The following SKAP1 variants were observed in gnomAD, a reference collection of about 807,000 sequenced individuals.
The protein encoded by SKAP1 is src kinase associated phosphoprotein 1, also known as src kinase-associated phosphoprotein 1.
In SKAP1, 44 loss-of-function variants were observed where a neutral mutation model predicts 58.5. That is an observed-to-expected ratio of 0.75 (90% CI 0.59 to 0.97). The LOEUF (loss-of-function observed/expected upper bound fraction) is 0.97, where lower values mean the gene tolerates loss of function less well. Ranked by LOEUF, SKAP1 falls within the 50% of genes least tolerant of loss-of-function variation. The pLI, the probability that SKAP1 is intolerant of heterozygous loss-of-function variation, is 0.00. For synonymous variants in SKAP1, 127 were observed against 149.7 expected (o/e 0.85, Z 1.11); for missense variants, 390 against 435.2 (o/e 0.90, Z 0.92).
chr17:48,229,830 A>G (rs915744947), intron 4 of SKAP1, among the ~76,000 whole-genome samples: 2 of 152,192 alleles, frequency 1.3e-5, no homozygotes, highest in Non-Finnish European at 2.9e-5. Context: ...ATGAAATCTA[A>G]TAGCAACTCT....
intron 3 of SKAP1, among the ~76,000 whole-genome samples, chr17:48,346,654 A>G (rs1433140670): frequency 6.6e-6 from 1 of 152,098 alleles, no homozygotes; most frequent in African/African-American, 2.4e-5. Context: ...TTATATTCAT[A>G]TATACTATGT....
chr17:48,198,994 C>T (rs1056540972), intron 4 of SKAP1, among the ~76,000 whole-genome samples: 1 of 152,172 alleles, frequency 6.6e-6, no homozygotes, highest in Non-Finnish European at 1.5e-5. Flanking sequence ...TCGACGTATT[C>T]CCCCTGAGTC....
At chr17:48,195,387 G>A (rs576137211) in intron 4 of SKAP1, among the ~76,000 whole-genome samples, 5 of 152,164 alleles carry the variant, frequency 3.3e-5, no homozygotes, top group South Asian at 2.1e-4. Flanking sequence ...TTTAACTTCC[G>A]TGGTTCCATT....
chr17:48,328,174 T>C (rs888903083), intron 4 of SKAP1, among the ~76,000 whole-genome samples: 3 of 152,192 alleles, frequency 2.0e-5, no homozygotes, highest in Admixed American at 1.3e-4. Context: ...CAAACAAGGA[T>C]ACTACTCGCC....
chr17:48,309,355 G>A (rs1217736512), intron 4 of SKAP1, among the ~76,000 whole-genome samples: 1 of 152,008 alleles, frequency 6.6e-6, no homozygotes, highest in Non-Finnish European at 1.5e-5. Flanking sequence ...AACTTAGAAC[G>A]TATGAGTCCC....
chr17:48,253,665 G>T (rs1197561839), intron 4 of SKAP1, among the ~76,000 whole-genome samples: 1 of 152,042 alleles, frequency 6.6e-6, no homozygotes, highest in Non-Finnish European at 1.5e-5. Flanking sequence ...TTCTGTAATA[G>T]ACCTCTTCTT....
chr17:48,182,452 T>C lies in SKAP1; in HGVS notation c.573A>G (p.Thr191=). Residue 191 remains threonine, a synonymous_variant, in exon 8 of 13, where the codon ACA becomes ACG. Coordinates refer to ENST00000336915, the MANE Select transcript of SKAP1 (RefSeq NM_003726.4). Reference sequence around the variant, plus strand: ...CTCTGGCTTCTGCTGGACTAGTAGCTGTAAACTAGAGAAAAATCAGTGAAT... The same window carrying C: ...CTCTGGCTTCTGCTGGACTAGTAGCCGTAAACTAGAGAAAAATCAGTGAAT... ...TSQDRRSYEF[T]ATSPAEARDW... is the part of the protein sequence containing the mutation. The C allele has an allele frequency of 6.2e-7, 1 of 1,606,586 alleles. No homozygotes were observed. Among genetic ancestry groups the C allele is most frequent in the African/African-American group, 1.3e-5 (1 of 74,740 alleles).
chr17:48,253,420 C>T (rs904807643), intron 4 of SKAP1, among the ~76,000 whole-genome samples: 2 of 152,078 alleles, frequency 1.3e-5, no homozygotes, highest in African/African-American at 4.8e-5. Flanking sequence ...GGATATTTGC[C>T]AAACAATCCA....
intron 4 of SKAP1, among the ~76,000 whole-genome samples, chr17:48,269,634 ATAGT>A (rs58888670): frequency 0.68 from 103,271 of 151,542 alleles, 35,208 homozygotes; most frequent in South Asian, 0.76. Flanking sequence ...GTTCTGAAGG[ATAGT>A]TAGTGGAGAT....
intron 3 of SKAP1, among the ~76,000 whole-genome samples, chr17:48,350,039 T>C (rs1231597847): frequency 6.6e-6 from 1 of 152,102 alleles, no homozygotes; most frequent in African/African-American, 2.4e-5. Flanking sequence ...CAATTCCAAA[T>C]AAAACAGGGA....
At chr17:48,165,374 TTTTCTTTTC>T (rs1428185677) in intron 10 of SKAP1, among the ~76,000 whole-genome samples, 12 of 132,230 alleles carry the variant, frequency 9.1e-5, no homozygotes, top group Non-Finnish European at 1.7e-4. Context: ...CTTTGCTTTC[TTTTCTTTTC>T]TTTCTTTCTT....
At chr17:48,217,860 T>C (rs904860466) in intron 4 of SKAP1, among the ~76,000 whole-genome samples, 10 of 152,116 alleles carry the variant, frequency 6.6e-5, no homozygotes, top group Admixed American at 5.9e-4. Flanking sequence ...TGGAAATAAA[T>C]TAAAAGGCTA....
intron 4 of SKAP1, among the ~76,000 whole-genome samples, chr17:48,216,232 C>T (rs2064937215): frequency 1.3e-5 from 2 of 152,114 alleles, no homozygotes; most frequent in Non-Finnish European, 2.9e-5. Context: ...TATATCTTTC[C>T]TACTCTGAGG....
the SKAP1 span, among the ~76,000 whole-genome samples, chr17:48,443,994 A>T: frequency 6.6e-6 from 1 of 152,252 alleles, no homozygotes; most frequent in African/African-American, 2.4e-5. Flanking sequence ...TACTAGATTA[A>T]TTTACATTTT....
chr17:48,442,879 A>G, the SKAP1 span, among the ~76,000 whole-genome samples: 1 of 152,166 alleles, frequency 6.6e-6, no homozygotes. Context: ...TTAAAATTTT[A>G]GTAGCTTCCC....
chr17:48,374,352 T>C lies in SKAP1; in HGVS notation c.153-10538A>G, dbSNP rs535049030. ...ATTGCATTCAGCCTGAACTTCCTTTTTGTACTAAAACAGCAATGCCTTCTG... is the reference window on the plus strand; with the variant it reads ...ATTGCATTCAGCCTGAACTTCCTTTCTGTACTAAAACAGCAATGCCTTCTG... On this transcript the variant is annotated intron_variant, in intron 2 of 12. Coordinates refer to ENST00000336915, the MANE Select transcript of SKAP1 (RefSeq NM_003726.4). Among the ~76,000 whole-genome samples the C allele has an allele frequency of 2.0e-5, 3 of 152,230 alleles. No homozygotes were observed. The East Asian group carries it at 5.8e-4, about 29-fold the overall frequency.
intron 1 of SKAP1, among the ~76,000 whole-genome samples, chr17:48,405,603 A>G (rs1343127328): frequency 6.6e-6 from 1 of 151,064 alleles, no homozygotes; most frequent in Non-Finnish European, 1.5e-5. Flanking sequence ...CCTGGGTTCA[A>G]GTGATTCCCC....
chr17:48,438,310 A>G, the SKAP1 span, among the ~76,000 whole-genome samples: 2 of 152,336 alleles, frequency 1.3e-5, no homozygotes, highest in Admixed American at 6.5e-5. Flanking sequence ...GGTGCTTTGT[A>G]AAGTTTAGTG....
chr17:48,228,199 G>C (rs1307570842), intron 4 of SKAP1, among the ~76,000 whole-genome samples: 1 of 152,060 alleles, frequency 6.6e-6, no homozygotes, highest in East Asian at 1.9e-4. Flanking sequence ...AAGACAAAGA[G>C]AGATAGAGAG....
Sources: gnomAD v4.1 joint callset for allele counts (sites outside exome capture counted in the v4.1 genomes callset) on GRCh38, gnomAD v4.1.1 for gene constraint, MANE v1.5 for transcripts, NCBI Gene and HGNC (gene_info 2026-07-23, HGNC 2026-07-21) for gene names.